Variants in ARB2A observed in about 807,000 individuals in gnomAD.
ARB2A encodes the protein ARB2 cotranscriptional regulator A, also known as cotranscriptional regulator ARB2A.
the ARB2A span, among the ~76,000 whole-genome samples, chr5:93,771,851 G>A: frequency 6.6e-6 from 1 of 152,340 alleles, no homozygotes; most frequent in East Asian, 1.9e-4. Context: ...CTTTTACACT[G>A]TTGTTGGGAC....
the ARB2A span, among the ~76,000 whole-genome samples, chr5:93,782,357 A>G: frequency 2.6e-5 from 4 of 152,156 alleles, no homozygotes; most frequent in Non-Finnish European, 5.9e-5. Flanking sequence ...CAATTCAATT[A>G]TGAAACAGAC....
the ARB2A span, among the ~76,000 whole-genome samples, chr5:93,949,422 G>T: frequency 6.6e-6 from 1 of 151,902 alleles, no homozygotes; most frequent in East Asian, 2.0e-4. Flanking sequence ...TTAGCTGGGC[G>T]TGGTGGCACA....
chr5:94,084,493 T>G, the ARB2A span, among the ~76,000 whole-genome samples: 2 of 152,150 alleles, frequency 1.3e-5, no homozygotes, highest in Non-Finnish European at 2.9e-5. Context: ...TATGTAGATC[T>G]AAGGGAATTC....
At chr5:94,036,620 C>A in the ARB2A span, among the ~76,000 whole-genome samples, 3 of 152,308 alleles carry the variant, frequency 2.0e-5, no homozygotes, top group Admixed American at 2.0e-4. Context: ...CTGGTTCATG[C>A]ATCATACCCA....
the ARB2A span, among the ~76,000 whole-genome samples, chr5:93,906,395 T>C: frequency 6.6e-6 from 1 of 151,486 alleles, no homozygotes. Flanking sequence ...GGCCATTTAC[T>C]ATTTATGACA....
the ARB2A span, among the ~76,000 whole-genome samples, chr5:93,850,505 C>T: frequency 3.3e-5 from 5 of 152,050 alleles, no homozygotes; most frequent in South Asian, 4.2e-4. Flanking sequence ...GCAGGGGGCC[C>T]GTGCACACTG....
chr5:93,850,833 A>G, the ARB2A span, among the ~76,000 whole-genome samples: 2 of 152,124 alleles, frequency 1.3e-5, no homozygotes, highest in African/African-American at 2.4e-5. Context: ...TTCCCTCTAG[A>G]TATGTTTTGT....
chr5:93,850,460 A>G, the ARB2A span, among the ~76,000 whole-genome samples: 132 of 152,222 alleles, frequency 8.7e-4, no homozygotes, highest in African/African-American at 3.2e-3. Context: ...CAAATATCTG[A>G]TGGGATCCTT....
At chr5:93,620,929 G>C in the ARB2A span, 1 of 1,591,436 alleles carries the variant, frequency 6.3e-7, no homozygotes, top group Non-Finnish European at 8.6e-7. Flanking sequence ...GACACAAGCA[G>C]TGAGGAGGCG....
the ARB2A span, chr5:93,738,372 T>C: frequency 6.6e-6 from 1 of 152,662 alleles, no homozygotes; most frequent in African/African-American, 2.4e-5. Flanking sequence ...GCCTTCACTA[T>C]GGAAAACAGT....
the ARB2A span, among the ~76,000 whole-genome samples, chr5:93,987,906 C>T: frequency 6.6e-6 from 1 of 152,130 alleles, no homozygotes; most frequent in Non-Finnish European, 1.5e-5. Flanking sequence ...TATTGAAGAG[C>T]CTCAGTATGT....
chr5:93,629,067 A>C, the ARB2A span, among the ~76,000 whole-genome samples: 1 of 152,158 alleles, frequency 6.6e-6, no homozygotes, highest in Non-Finnish European at 1.5e-5. Context: ...AAAGTGAGAG[A>C]TGTGAGACTC....
At chr5:93,801,415 C>T in the ARB2A span, among the ~76,000 whole-genome samples, 1 of 151,944 alleles carries the variant, frequency 6.6e-6, no homozygotes, top group Admixed American at 6.6e-5. Flanking sequence ...AGAAACCAGC[C>T]GAGTATTTTT....
At chr5:93,998,974 G>C in the ARB2A span, among the ~76,000 whole-genome samples, 1 of 152,068 alleles carries the variant, frequency 6.6e-6, no homozygotes, top group East Asian at 1.9e-4. Context: ...TTTTAAGAAT[G>C]TTATGCTTTG....
chr5:93,771,331 A>G, the ARB2A span, among the ~76,000 whole-genome samples: 1 of 151,904 alleles, frequency 6.6e-6, no homozygotes, highest in Non-Finnish European at 1.5e-5. Flanking sequence ...CTTAAACGTT[A>G]GACCTAAAAC....
chr5:93,856,294 T>C, the ARB2A span, among the ~76,000 whole-genome samples: 1,049 of 152,202 alleles, frequency 6.9e-3, 14 homozygotes, highest in African/African-American at 0.024. Context: ...ATCTTTGGGG[T>C]GTTCTCTGTA....
At chr5:94,064,234 AG>A in the ARB2A span, among the ~76,000 whole-genome samples, 1 of 152,184 alleles carries the variant, frequency 6.6e-6, no homozygotes, top group Non-Finnish European at 1.5e-5. Context: ...CTTCAATAAC[AG>A]GCTAGATCAA....
chr5:93,793,094 A>T, the ARB2A span, among the ~76,000 whole-genome samples: 3 of 151,912 alleles, frequency 2.0e-5, no homozygotes, highest in Admixed American at 2.0e-4. Context: ...TTTTTAAGAG[A>T]CAGGGTCTTG....
the ARB2A span, among the ~76,000 whole-genome samples, chr5:93,675,329 G>A: frequency 1.3e-5 from 2 of 152,052 alleles, no homozygotes; most frequent in Non-Finnish European, 2.9e-5. Context: ...CATAGCATGT[G>A]CTCACTCTAT....
Sources: gnomAD v4.1 joint callset for allele counts (sites outside exome capture counted in the v4.1 genomes callset) on GRCh38, gnomAD v4.1.1 for gene constraint, MANE v1.5 for transcripts, NCBI Gene and HGNC (gene_info 2026-07-23, HGNC 2026-07-21) for gene names.